Variants in ROBO2 observed in about 807,000 individuals in gnomAD.
ROBO2 encodes roundabout homolog 2.
A neutral mutation model predicts 160.8 loss-of-function variants in ROBO2; 53 were observed. That is an observed-to-expected ratio of 0.33 (90% CI 0.26 to 0.41). ROBO2 has a LOEUF of 0.41. ROBO2 is among the 10% of genes least tolerant of loss of function. The pLI, the probability that ROBO2 is intolerant of heterozygous loss-of-function variation, is 1.00. For missense variants in ROBO2, 1,577 were observed against 1,722.4 expected (o/e 0.92, Z 1.49); for synonymous variants, 664 against 611.7 (o/e 1.09, Z -1.26).
chr3:75,992,589 G>A (rs1262112327), intron 2 of ROBO2, among the ~76,000 whole-genome samples: 1 of 152,180 alleles, frequency 6.6e-6, no homozygotes, highest in Non-Finnish European at 1.5e-5. Context: ...AGGGAAATGT[G>A]GAGTTGGAGC....
At chr3:76,092,349 T>TA (rs1450823283) in intron 2 of ROBO2, among the ~76,000 whole-genome samples, 1 of 152,182 alleles carries the variant, frequency 6.6e-6, no homozygotes, top group East Asian at 1.9e-4. Context: ...GGTGATCAAA[T>TA]AAAAAATCCA....
intron 2 of ROBO2, among the ~76,000 whole-genome samples, chr3:76,066,573 T>G (rs1357820756): frequency 6.6e-6 from 1 of 151,996 alleles, no homozygotes; most frequent in Non-Finnish European, 1.5e-5. Flanking sequence ...AAGAGAAAAC[T>G]TTATTTTAAG....
intron 2 of ROBO2, among the ~76,000 whole-genome samples, chr3:76,967,816 T>C (rs1227323781): frequency 6.6e-6 from 1 of 152,084 alleles, no homozygotes; most frequent in Non-Finnish European, 1.5e-5. Flanking sequence ...AAGTGTTAGG[T>C]TTATAGGCCT....
At position 77,266,536 on chromosome 3, in the gene ROBO2, CT is replaced by C. The variant is rs544442580; in HGVS notation, c.388+168197del. ...ACCTTACGTAAAGGCCTTTTCTCCC[CT>C]AGGGTTCCATGACATTGCATCCATA... On this transcript the variant is annotated intron_variant, in intron 2 of 25. Transcript: ENST00000461745. Among the ~76,000 whole-genome samples, 17 of 152,182 alleles carry C rather than the reference CT, an allele frequency of 1.1e-4. 1 individual carries two copies. The South Asian group carries it at 3.5e-3, about 32-fold the overall frequency.
At chr3:76,964,414 C>T (rs1340876363) in intron 2 of ROBO2, among the ~76,000 whole-genome samples, 4 of 152,132 alleles carry the variant, frequency 2.6e-5, no homozygotes, top group South Asian at 2.1e-4. Flanking sequence ...GTGATCTCAG[C>T]TCACTGCAAC....
At chr3:77,027,452 C>T (rs1037076667) in intron 2 of ROBO2, among the ~76,000 whole-genome samples, 4 of 152,100 alleles carry the variant, frequency 2.6e-5, no homozygotes, top group South Asian at 2.1e-4. Flanking sequence ...CAGAAATGAT[C>T]GGTAAACATT....
intron 2 of ROBO2, among the ~76,000 whole-genome samples, chr3:76,518,321 T>G (rs2081437888): frequency 6.6e-6 from 1 of 152,152 alleles, no homozygotes; most frequent in African/African-American, 2.4e-5. Context: ...TTTTAATTAT[T>G]GTGGGTACAT....
intron 20 of ROBO2, chr3:77,602,866 G>T (rs2094460443): frequency 6.5e-6 from 3 of 464,568 alleles, no homozygotes; most frequent in South Asian, 1.6e-5. Context: ...CTAACTGCAT[G>T]TTCTGCATGG....
intron 2 of ROBO2, among the ~76,000 whole-genome samples, chr3:76,176,947 C>T (rs2073253790): frequency 6.6e-6 from 1 of 152,020 alleles, no homozygotes; most frequent in Admixed American, 6.6e-5. Context: ...GAACCGAGCT[C>T]CCTTATTATT....
intron 2 of ROBO2, among the ~76,000 whole-genome samples, chr3:76,487,183 G>A (rs541000123): frequency 2.1e-5 from 3 of 145,520 alleles, no homozygotes; most frequent in Non-Finnish European, 4.5e-5. Flanking sequence ...GTCTCTCTTT[G>A]TTCCCAGGCT....
At chr3:76,582,284 T>G (rs1292189293) in intron 2 of ROBO2, among the ~76,000 whole-genome samples, 1 of 152,156 alleles carries the variant, frequency 6.6e-6, no homozygotes, top group Non-Finnish European at 1.5e-5. Flanking sequence ...TGTGGTTTAT[T>G]TATAGTAATG....
intron 2 of ROBO2, among the ~76,000 whole-genome samples, chr3:76,416,883 C>T (rs1297534111): frequency 6.6e-6 from 1 of 152,106 alleles, no homozygotes; most frequent in Admixed American, 6.6e-5. Flanking sequence ...GTTTTATGAG[C>T]TATAGTATTA....
At chr3:77,531,957 A>T (rs1306182694) in intron 6 of ROBO2, among the ~76,000 whole-genome samples, 4 of 152,160 alleles carry the variant, frequency 2.6e-5, no homozygotes, top group Non-Finnish European at 4.4e-5. Flanking sequence ...ATTATTAAGC[A>T]TCAGGTTTTC....
At chr3:76,119,916 C>CCCTCCCTTCCTTCCTCCCTCCCTCCCTT (rs1377854643) in intron 2 of ROBO2, among the ~76,000 whole-genome samples, 2 of 88,178 alleles carry the variant, frequency 2.3e-5, no homozygotes, top group African/African-American at 9.6e-5. Flanking sequence ...TTCCCTCCCT[C>CCCTCCCTTCCTTCCTCCCTCCCTCCCTT]CCTTCCTTCC....
intron 2 of ROBO2, among the ~76,000 whole-genome samples, chr3:76,277,689 T>C (rs1708007247): frequency 6.6e-6 from 1 of 151,950 alleles, no homozygotes. Context: ...AGCAGTGTTC[T>C]TGGTATATAG....
intron 6 of ROBO2, among the ~76,000 whole-genome samples, chr3:77,543,656 T>C (rs1179470614): frequency 1.3e-5 from 2 of 152,208 alleles, no homozygotes; most frequent in Admixed American, 1.3e-4. Context: ...AAGAATAATA[T>C]GCTTAAAACT....
chr3:75,979,066 A>T (rs970408324), intron 2 of ROBO2, among the ~76,000 whole-genome samples: 5 of 151,560 alleles, frequency 3.3e-5, no homozygotes, highest in African/African-American at 1.2e-4. Flanking sequence ...ACCGATGCAT[A>T]TGTAAGATCA....
At chr3:77,481,031 A>T in intron 3 of ROBO2, 68 bp from the exon 4 acceptor site, 1 of 1,334,778 alleles carries the variant, frequency 7.5e-7, no homozygotes, top group Non-Finnish European at 1.1e-6. Flanking sequence ...ACTATTTATT[A>T]ATGACCTTTA....
intron 6 of ROBO2, chr3:77,538,914 A>AT (rs1559568885): frequency 6.4e-6 from 3 of 471,320 alleles, no homozygotes; most frequent in Non-Finnish European, 8.5e-6. Flanking sequence ...AAACTTTTTA[A>AT]TTTTTTTTCT....
Sources: allele counts gnomAD v4.1 joint callset (sites outside exome capture counted in the v4.1 genomes callset), GRCh38; gene constraint gnomAD v4.1.1; transcripts MANE v1.5; gene names NCBI Gene and HGNC (gene_info 2026-07-23, HGNC 2026-07-21).